Variants in LGALS13 observed in about 807,000 individuals in gnomAD.
LGALS13 encodes the protein galactoside-binding soluble lectin 13.
Under a neutral mutation model 13.2 loss-of-function variants are expected in LGALS13, and 11 were observed. The ratio of observed to expected loss-of-function variants is 0.83; its 90% CI spans 0.52 to 1.38. LGALS13 has a LOEUF of 1.38. Among genes scored for constraint, LGALS13 ranks in the 40% most tolerant of loss-of-function variants. The pLI is 0.00. For missense variants in LGALS13, 183 were observed against 174.3 expected, an observed-to-expected ratio of 1.05 and a Z score of -0.28; for synonymous variants, 71 against 63.7, an observed-to-expected ratio of 1.11 and a Z score of -0.54.
chr19:39,603,452 C>A (rs1171589738), intron 1 of LGALS13, among the ~76,000 whole-genome samples: 1 of 151,682 alleles, frequency 6.6e-6, no homozygotes, highest in Non-Finnish European at 1.5e-5. Context: ...GACTGAATCA[C>A]ACAAAATATC....
At chr19:39,604,310 C>T (rs769582237) in intron 1 of LGALS13, among the ~76,000 whole-genome samples, 7 of 152,114 alleles carry the variant, frequency 4.6e-5, no homozygotes, top group Non-Finnish European at 7.4e-5. Flanking sequence ...TGATAATCCT[C>T]GTTGTCCTAG....
chr19:39,606,512 C>A (rs188712396), intron 3 of LGALS13, among the ~76,000 whole-genome samples: 1 of 152,166 alleles, frequency 6.6e-6, no homozygotes, highest in Non-Finnish European at 1.5e-5. Context: ...AATGGAAAAA[C>A]TGGCTCAAAA....
At chr19:39,603,843 A>T in intron 1 of LGALS13, 1 of 720,286 alleles carries the variant, frequency 1.4e-6, no homozygotes, top group Non-Finnish European at 1.7e-6. Flanking sequence ...CAGAGCAAGA[A>T]CCTATCTCAA....
chr19:39,604,770 T>G, intron 2 of LGALS13, 92 bp downstream of exon 2: 2 of 1,490,528 alleles, frequency 1.3e-6, no homozygotes, highest in Non-Finnish European at 1.9e-6. Flanking sequence ...TGGAAATGTC[T>G]AGTTGGCAGA....
chr19:39,605,502 C>A, intron 3 of LGALS13, 114 bp downstream of exon 3: 2 of 843,428 alleles, frequency 2.4e-6, no homozygotes, highest in Non-Finnish European at 2.0e-6. Flanking sequence ...ATAACTACTC[C>A]TGCCCCTGGT....
chr19:39,604,101 A>G (rs1269760262), intron 1 of LGALS13: 1 of 486,418 alleles, frequency 2.1e-6, no homozygotes, highest in Non-Finnish European at 2.7e-6. Flanking sequence ...TTCTCACTGG[A>G]GTGAATGTTT....
At chr19:39,605,596 C>T (rs554002026) in intron 3 of LGALS13, among the ~76,000 whole-genome samples, 6 of 152,268 alleles carry the variant, frequency 3.9e-5, no homozygotes, top group Admixed American at 2.6e-4. Flanking sequence ...GCTCACCTGA[C>T]ATTTCCCCCA....
At position 39,603,944 on chromosome 19, in the gene LGALS13, T is replaced by C. The variant is rs528648602; in HGVS notation, c.16-658T>C. ...GTCCCTGACCCACAAGCTTCATTTG[T>C]GCAAGTACTGGGGCTGTGCTCTCAG... On this transcript the variant is annotated intron_variant, in intron 1 of 3. Coordinates refer to ENST00000221797, the MANE Select transcript of LGALS13 (RefSeq NM_013268.3). 4 of 985,382 alleles carry C rather than the reference T, an allele frequency of 4.1e-6. No individual in the cohort carries two copies. In the South Asian group the frequency reaches 1.4e-4, roughly 35 times the overall value. The allele number at this position is 985,382 out of a possible 1,614,324, so 61.0% of individuals were successfully genotyped here. A position where few individuals can be genotyped will look rare whatever the true frequency, so the allele number is the denominator to read the frequency against.
At chr19:39,603,130 T>C (rs1972627476) in intron 1 of LGALS13, among the ~76,000 whole-genome samples, 1 of 152,212 alleles carries the variant, frequency 6.6e-6, no homozygotes, top group South Asian at 2.1e-4. Flanking sequence ...GCAGCACCTC[T>C]GATGTGAATC....
chr19:39,603,571 G>A (rs1484596274), intron 1 of LGALS13, among the ~76,000 whole-genome samples: 2 of 151,926 alleles, frequency 1.3e-5, no homozygotes, highest in Non-Finnish European at 2.9e-5. Flanking sequence ...CAACCAAGCA[G>A]CTGGGTTCAC....
At chr19:39,602,608 A>G in intron 1 of LGALS13, 25 bp downstream of exon 1, 1 of 1,613,126 alleles carries the variant, frequency 6.2e-7, no homozygotes, top group Non-Finnish European at 8.5e-7. Context: ...CACAGCCTTC[A>G]AAAATTTCGT....
chr19:39,605,885 CAT>C (rs1972681580), intron 3 of LGALS13, among the ~76,000 whole-genome samples: 1 of 152,080 alleles, frequency 6.6e-6, no homozygotes, highest in Non-Finnish European at 1.5e-5. Context: ...TCTCATTTTT[CAT>C]CCAGGTTGGA....
rs1972708269 is a variant in LGALS13, at chr19:39,607,328, G to T, written c.409G>T (p.Val137Phe). The T allele has an allele frequency of 6.2e-7, 1 of 1,603,956 alleles. No homozygotes were observed. The highest frequency in any genetic ancestry group is 1.7e-5 in the Admixed American group (1 of 59,988). Residue 137 changes from valine to phenylalanine, a missense_variant, in exon 4 of 4, where the codon GTC becomes TTC. Transcript: ENST00000221797. ...AGATATCTCCCTGACCTCAGTGTGT[G>T]TCTGCAATTGAGGGAGATGATCACA... ...SRDISLTSVC[V>F]CN
rs755323637 is a variant in LGALS13 at position 39,604,667 on chromosome 19, C to T, written c.81C>T (p.Ile27=). 2.5e-6 allele frequency: 4 copies of T among 1,614,038 alleles called. No homozygotes were observed. The African/African-American group carries it at 4.0e-5, about 16-fold the overall frequency. ...GSCVIIKGTP[I]HSFINDPQLQ... ...GCGTGATAATCAAAGGGACACCAATCCACTCTTTTATGTGAGTACTCCATG... is the reference window on the plus strand; with the variant it reads ...GCGTGATAATCAAAGGGACACCAATTCACTCTTTTATGTGAGTACTCCATG... Residue 27 remains isoleucine (I), a synonymous_variant, in exon 2 of 4, where the codon ATC becomes ATT. Transcript: ENST00000221797.
chr19:39,602,683 A>G, intron 1 of LGALS13, 100 bp downstream of exon 1: 1 of 1,172,686 alleles, frequency 8.5e-7, no homozygotes, highest in Non-Finnish European at 1.3e-6. Flanking sequence ...TTTTGCTGTG[A>G]ATGCTTTACT....
rs766596329 is a variant in LGALS13, at chr19:39,604,652, C to A, written c.66C>A (p.Ile22=). The A allele has an allele frequency of 1.9e-6, 3 of 1,614,176 alleles. No individual in the cohort carries two copies. The highest frequency in any genetic ancestry group is 2.5e-6 in the Non-Finnish European group (3 of 1,180,022). Residue 22 remains isoleucine, a synonymous_variant, in exon 2 of 4, where the codon ATC becomes ATA. Coordinates refer to ENST00000221797, the MANE Select transcript of LGALS13 (RefSeq NM_013268.3). Reference sequence around the variant, plus strand: ...TGTCTGTTGGTTCCTGCGTGATAATCAAAGGGACACCAATCCACTCTTTTA... The same window carrying A: ...TGTCTGTTGGTTCCTGCGTGATAATAAAAGGGACACCAATCCACTCTTTTA... The part of the protein sequence containing the change: ...VSLSVGSCVI[I]KGTPIHSFIN...
At chr19:39,605,487 C>T (rs2233709) in intron 3 of LGALS13, 99 bp downstream of exon 3, 514,307 of 954,192 alleles carry the variant, frequency 0.54, 141,073 homozygotes, top group Admixed American at 0.71. Context: ...CAGGGTCCAT[C>T]TCCCATAACT....
chr19:39,607,103 T>C, intron 3 of LGALS13, 120 bp from the exon 4 acceptor site: 7 of 779,206 alleles, frequency 9.0e-6, no homozygotes, highest in Non-Finnish European at 1.6e-5. Context: ...ATCTAATACG[T>C]TAACTTGTAT....
rs749532097 is a variant in LGALS13, at chr19:39,607,384, C to T, written c.*45C>T. On this transcript the variant is annotated 3_prime_UTR_variant, in exon 4 of 4. Transcript: ENST00000221797. Reference sequence around the variant, plus strand: ...CATTGTTGAGGAATCCCTCTTTCTACCTGACCATGGGATTCCCAGAACCTG... The same window carrying T: ...CATTGTTGAGGAATCCCTCTTTCTATCTGACCATGGGATTCCCAGAACCTG... 5.5e-6 allele frequency: 7 copies of T among 1,270,842 alleles called. No individual in the cohort carries two copies. Among genetic ancestry groups the T allele is most frequent in the South Asian group, 1.2e-5 (1 of 84,388 alleles). 78.7% of individuals were successfully genotyped at this position (1,270,842 alleles called of 1,614,324 possible). A position where few individuals can be genotyped will look rare whatever the true frequency, so the allele number is the denominator to read the frequency against.
Sources: allele counts gnomAD v4.1 joint callset (sites outside exome capture counted in the v4.1 genomes callset), GRCh38; gene constraint gnomAD v4.1.1; transcripts MANE v1.5; gene names NCBI Gene and HGNC (gene_info 2026-07-23, HGNC 2026-07-21).